RAB40B: variants seen among roughly 807,000 people sequenced by gnomAD.
The protein encoded by RAB40B is RAB40B, member RAS oncogene family.
A neutral mutation model predicts 24.0 loss-of-function variants in RAB40B; 21 were observed. The ratio of observed to expected loss-of-function variants is 0.88; its 90% CI spans 0.62 to 1.26. The LOEUF is 1.26. Ranked by LOEUF, RAB40B falls within the 50% of genes most tolerant of loss-of-function variation. The pLI is 0.00. For synonymous variants in RAB40B, 167 were observed against 169.8 expected (o/e 0.98, Z 0.13); for missense variants, 348 against 390.5 (o/e 0.89, Z 0.92).
intron 1 of RAB40B, among the ~76,000 whole-genome samples, chr17:82,686,525 C>G (rs2046503846): frequency 6.6e-6 from 1 of 152,154 alleles, no homozygotes; most frequent in Non-Finnish European, 1.5e-5. Context: ...ACACAGACAC[C>G]CAGGAGAGAA....
intron 1 of RAB40B, among the ~76,000 whole-genome samples, chr17:82,666,540 C>T (rs1017735797): frequency 6.6e-5 from 10 of 152,252 alleles, no homozygotes; most frequent in South Asian, 2.1e-4. Context: ...CTGCTGCTCC[C>T]GGCCAATAAA....
chr17:82,668,846 G>A (rs2046295628), intron 1 of RAB40B, among the ~76,000 whole-genome samples: 1 of 152,238 alleles, frequency 6.6e-6, no homozygotes, highest in Admixed American at 6.5e-5. Context: ...GAGAGGCCCA[G>A]CCATGCCTCC....
intron 1 of RAB40B, among the ~76,000 whole-genome samples, chr17:82,666,582 C>T (rs559028580): frequency 6.6e-6 from 1 of 152,144 alleles, no homozygotes; most frequent in Admixed American, 6.5e-5. Flanking sequence ...GTTTCCCCGC[C>T]CCCATCACCC....
chr17:82,678,393 G>C (rs929441402), intron 1 of RAB40B, among the ~76,000 whole-genome samples: 1 of 151,934 alleles, frequency 6.6e-6, no homozygotes, highest in Non-Finnish European at 1.5e-5. Context: ...CAGAAAACAG[G>C]GACAAAAAGA....
chr17:82,694,909 C>T (rs983345187), intron 1 of RAB40B, among the ~76,000 whole-genome samples: 2 of 151,824 alleles, frequency 1.3e-5, no homozygotes, highest in African/African-American at 4.9e-5. Flanking sequence ...AGGAAATACT[C>T]GAGTCCTTCT....
Position 82,659,658 on chromosome 17 carries a change from C to T in RAB40B, c.265-1G>A. ...CAATGTCATAGACCAGGATCACACC[C>T]TGGGGGAGAGGTCACAGGCTCAGCA... On this transcript the variant is annotated splice_acceptor_variant, in intron 3 of 5. Coordinates refer to ENST00000571995, the MANE Select transcript of RAB40B (RefSeq NM_006822.3). LOFTEE classifies it high-confidence loss of function. 1 of 1,614,132 alleles carries T rather than the reference C, an allele frequency of 6.2e-7. No homozygotes were observed.
intron 1 of RAB40B, among the ~76,000 whole-genome samples, chr17:82,693,821 G>A (rs986894414): frequency 2.0e-4 from 31 of 152,090 alleles, no homozygotes; most frequent in African/African-American, 6.3e-4. Flanking sequence ...AGTGGCTCAC[G>A]CCTGTAATTC....
chr17:82,658,307 A>G (rs981310894), intron 5 of RAB40B, 173 bp from the exon 6 acceptor site: 2 of 1,074,028 alleles, frequency 1.9e-6, no homozygotes, highest in African/African-American at 1.6e-5. Flanking sequence ...TACAGATCCC[A>G]GGAGCTCCCT....
In RAB40B at chr17:82,695,690, G is replaced by A. The variant is rs374522893; in HGVS notation, c.142+2765C>T. Reference sequence around the variant, plus strand: ...CACACCACTGCACTCCAGCCTGGGCGGCAGAGAAGACCCTGTCTCTGAAAA... The same window carrying A: ...CACACCACTGCACTCCAGCCTGGGCAGCAGAGAAGACCCTGTCTCTGAAAA... On this transcript the variant is annotated intron_variant, in intron 1 of 5. Coordinates refer to ENST00000571995, the MANE Select transcript of RAB40B (RefSeq NM_006822.3). Among the ~76,000 whole-genome samples, 129 of 150,808 alleles carry A rather than the reference G, an allele frequency of 8.6e-4. 2 individuals carry two copies. Among genetic ancestry groups the A allele is most frequent in the Middle Eastern group, 6.8e-3 (2 of 294 alleles).
At chr17:82,680,401 G>A (rs527516570) in intron 1 of RAB40B, among the ~76,000 whole-genome samples, 2 of 152,302 alleles carry the variant, frequency 1.3e-5, no homozygotes, top group South Asian at 2.1e-4. Context: ...GTTCCCCCAC[G>A]TGTGTGAGCT....
intron 1 of RAB40B, among the ~76,000 whole-genome samples, chr17:82,683,819 A>AAAAAG (rs1157944751): frequency 1.2e-4 from 18 of 147,998 alleles, no homozygotes; most frequent in African/African-American, 2.8e-4. Context: ...AAAAAAAAAA[A>AAAAAG]AAAAGAAAAG....
rs1342508387 is a variant in RAB40B, at chr17:82,655,663, C to T, written c.*2200G>A. 3 of 152,320 alleles carry T rather than the reference C, an allele frequency of 2.0e-5. No homozygotes were observed. Among genetic ancestry groups the T allele is most frequent in the Admixed American group, 6.5e-5 (1 of 15,288 alleles). The allele number at this position is 152,320 out of a possible 1,614,324, so 9.4% of individuals were successfully genotyped here. A position where few individuals can be genotyped will look rare whatever the true frequency, so the allele number is the denominator to read the frequency against. On this transcript the variant is annotated 3_prime_UTR_variant, in exon 6 of 6. Transcript: ENST00000571995. ...GGGAGGTCGGCCCTGTCGTTCTCAC[C>T]CCACCTGTGGCACAGCAGAGAGAAG...
Position 82,697,599 on chromosome 17 carries a change from C to T in RAB40B, c.142+856G>A, listed in dbSNP as rs1187058132. ...AGGGTCGGCCTCGTCCAAGCTGTTCCAGGGATGCGCGTGGGTGAAGGCCCC... is the reference window on the plus strand; with the variant it reads ...AGGGTCGGCCTCGTCCAAGCTGTTCTAGGGATGCGCGTGGGTGAAGGCCCC... On this transcript the variant is annotated intron_variant, in intron 1 of 5. Transcript: ENST00000571995. This position sits in a 1 kb window ranked among gnomAD's most constrained non-coding sequence, Gnocchi z 4.9. Among the ~76,000 whole-genome samples, 1 of 152,218 alleles carries T rather than the reference C, an allele frequency of 6.6e-6. No individual in the cohort carries two copies. Among genetic ancestry groups the T allele is most frequent in the African/African-American group, 2.4e-5 (1 of 41,458 alleles).
At chr17:82,695,518 T>C (rs111664585) in intron 1 of RAB40B, among the ~76,000 whole-genome samples, 2 of 148,860 alleles carry the variant, frequency 1.3e-5, no homozygotes, top group East Asian at 2.0e-4. Context: ...CAAGCACCTA[T>C]AGTGTTTCTC....
At chr17:82,660,623 GCA>G (rs150617991) in intron 3 of RAB40B, among the ~76,000 whole-genome samples, 183 of 138,712 alleles carry the variant, frequency 1.3e-3, no homozygotes, top group African/African-American at 4.2e-3. Flanking sequence ...GCACACACGT[GCA>G]CACACACACG....
At chr17:82,682,972 G>C (rs2143532186) in intron 1 of RAB40B, among the ~76,000 whole-genome samples, 1 of 152,116 alleles carries the variant, frequency 6.6e-6, no homozygotes, top group East Asian at 1.9e-4. Flanking sequence ...GTAAAACCCT[G>C]TCTCTATTAA....
intron 1 of RAB40B, among the ~76,000 whole-genome samples, chr17:82,668,856 C>T (rs958041337): frequency 6.6e-6 from 1 of 152,228 alleles, no homozygotes; most frequent in South Asian, 2.1e-4. Flanking sequence ...GCCATGCCTC[C>T]GCTGCAGCCG....
intron 2 of RAB40B, chr17:82,661,954 T>C (rs1163081092): frequency 2.0e-6 from 2 of 984,142 alleles, no homozygotes; most frequent in Non-Finnish European, 1.2e-6. Context: ...CAGGGATCAG[T>C]TCCCAGAGGA....
chr17:82,671,526 T>A (rs2046335755), intron 1 of RAB40B, among the ~76,000 whole-genome samples: 1 of 143,980 alleles, frequency 6.9e-6, no homozygotes, highest in African/African-American at 2.6e-5. Flanking sequence ...CCTGTAACTC[T>A]AACACACACA....
Sources: gnomAD v4.1 joint callset for allele counts (sites outside exome capture counted in the v4.1 genomes callset) on GRCh38, gnomAD v4.1.1 for gene constraint, Gnocchi (gnomAD v3.1) non-coding constraint, MANE v1.5 for transcripts, NCBI Gene and HGNC (gene_info 2026-07-23, HGNC 2026-07-21) for gene names.